Variants in PRPS1 observed in about 807,000 individuals in gnomAD.
PRPS1 encodes the protein phosphoribosyl pyrophosphate synthetase 1.
Under a neutral mutation model 16.9 loss-of-function variants are expected in PRPS1, and 1 was observed. The ratio of observed to expected loss-of-function variants is 0.06; its 90% CI spans 0.02 to 0.28. The LOEUF (loss-of-function observed/expected upper bound fraction) is 0.28. Ranked by LOEUF, PRPS1 falls within the 10% of genes least tolerant of loss-of-function variation. PRPS1 has a pLI of 1.00. For synonymous variants in PRPS1, 70 were observed against 90.2 expected, an observed-to-expected ratio of 0.78 and a Z score of 1.27; for missense variants, 47 against 254.0, an observed-to-expected ratio of 0.19 and a Z score of 5.54.
chrX:107,646,952 T>A (rs919810448), intron 5 of PRPS1, among the ~76,000 whole-genome samples: 1 of 112,341 alleles, frequency 8.9e-6, no homozygotes. Flanking sequence ...GAAGAGGAAG[T>A]GGATTTTGTT....
rs5962870 is a variant in PRPS1 at position 107,650,421 on chromosome X, G to A, written c.*389G>A. On this transcript the variant is annotated 3_prime_UTR_variant, in exon 7 of 7. Coordinates refer to ENST00000372435, the MANE Select transcript of PRPS1 (RefSeq NM_002764.4). ...ACAACTAGCAACAAAGGCAACCCAT[G>A]TGTGACCAGTTCTCCCCAAGGTCTA... 9,370 of 393,912 alleles carry A rather than the reference G, an allele frequency of 0.024. 631 individuals are homozygous for A. The highest frequency in any genetic ancestry group is 0.2 in the African/African-American group (8,007 of 39,133). 32.5% of individuals were successfully genotyped at this position (393,912 alleles called of 1,213,427 possible).
At chrX:107,638,254 C>T (rs1262977185) in intron 1 of PRPS1, among the ~76,000 whole-genome samples, 4 of 111,487 alleles carry the variant, frequency 3.6e-5, no homozygotes, top group Non-Finnish European at 5.7e-5. Flanking sequence ...GGACTACAGG[C>T]GTGTGCCACC....
intron 1 of PRPS1, among the ~76,000 whole-genome samples, chrX:107,629,553 T>G (rs1925263303): frequency 1.8e-5 from 2 of 112,342 alleles, no homozygotes; most frequent in African/African-American, 6.5e-5. Context: ...TGGACTTGGC[T>G]CCTTCTTTAA....
Position 107,650,073 on chromosome X carries a change from C to T in PRPS1, c.*41C>T. 1.7e-6 allele frequency: 2 copies of T among 1,210,805 alleles called. No homozygotes were observed. The highest frequency in any genetic ancestry group is 2.2e-6 in the Non-Finnish European group (2 of 895,086). ...GGCTTTTTGAGAATAAAATCCACCC[C>T]ACCCTTGTTTCCCCTTGGTATTTGA... On this transcript the variant is annotated 3_prime_UTR_variant, in exon 7 of 7. Coordinates refer to ENST00000372435, the MANE Select transcript of PRPS1 (RefSeq NM_002764.4).
chrX:107,647,522 C>T, intron 5 of PRPS1, 84 bp from the exon 6 acceptor site: 1 of 984,695 alleles, frequency 1.0e-6, no homozygotes. Context: ...TTGTGGAAGC[C>T]TAAGCAGGCT....
Position 107,640,572 on chromosome X carries a change from A to G in PRPS1, c.307-330A>G, listed in dbSNP as rs186181815. Among the ~76,000 whole-genome samples, 25 of 112,358 alleles carry G rather than the reference A, an allele frequency of 2.2e-4. No homozygotes were observed. In the Admixed American group the frequency reaches 2.4e-3, roughly 11 times the overall value. On this transcript the variant is annotated intron_variant, in intron 2 of 6. Coordinates refer to ENST00000372435, the MANE Select transcript of PRPS1 (RefSeq NM_002764.4). The stretch of plus-strand genomic sequence containing the variant: ...TGTATGTGTTGAAAGAGATTTTAAT[A>G]AAATTATTTTTTAAAGTCTGCCTAG...
At chrX:107,645,479 A>C (rs955384542) in intron 5 of PRPS1, 129 bp downstream of exon 5, 1 of 764,088 alleles carries the variant, frequency 1.3e-6, no homozygotes, top group Admixed American at 2.6e-5. Context: ...GATTTTTATC[A>C]CCCAAGGCTT....
intron 1 of PRPS1, among the ~76,000 whole-genome samples, chrX:107,634,342 G>C (rs1424957702): frequency 9.2e-6 from 1 of 109,000 alleles, no homozygotes; most frequent in East Asian, 2.9e-4. Context: ...AGCCTCCCGA[G>C]TAGCTGGGAC....
chrX:107,635,514 T>C (rs1925414783), intron 1 of PRPS1, among the ~76,000 whole-genome samples: 1 of 108,604 alleles, frequency 9.2e-6, no homozygotes, highest in Non-Finnish European at 1.9e-5. Flanking sequence ...TGATCATGGC[T>C]CCTAACTCCT....
At chrX:107,635,121 G>A (rs188101417) in intron 1 of PRPS1, among the ~76,000 whole-genome samples, 1,303 of 111,975 alleles carry the variant, frequency 0.012, 17 homozygotes, top group African/African-American at 0.04. Context: ...GATTACAGGC[G>A]TGAGCCACCG....
chrX:107,641,523 CT>C (rs1208072705), intron 3 of PRPS1, among the ~76,000 whole-genome samples: 1 of 110,959 alleles, frequency 9.0e-6, no homozygotes, highest in African/African-American at 3.3e-5. Context: ...GCCCAGCTAA[CT>C]TTTTTGTACT....
chrX:107,636,072 A>AC (rs1202778739), intron 1 of PRPS1, among the ~76,000 whole-genome samples: 1 of 108,340 alleles, frequency 9.2e-6, no homozygotes, highest in African/African-American at 3.4e-5. Flanking sequence ...AAAAAAAAAA[A>AC]AAAAACTGAA....
intron 1 of PRPS1, among the ~76,000 whole-genome samples, chrX:107,637,034 A>C (rs1413445747): frequency 8.9e-6 from 1 of 112,505 alleles, no homozygotes; most frequent in African/African-American, 3.2e-5. Context: ...ATATACACAC[A>C]TACACCTCTC....
intron 6 of PRPS1, 85 bp from the exon 7 acceptor site, chrX:107,649,855 G>A: frequency 8.3e-7 from 1 of 1,207,867 alleles, no homozygotes; most frequent in Non-Finnish European, 1.1e-6. Flanking sequence ...AAGGGCACTT[G>A]CCTGGCTGCT....
intron 1 of PRPS1, among the ~76,000 whole-genome samples, chrX:107,638,879 C>T (rs1302579159): frequency 3.6e-5 from 4 of 110,735 alleles, no homozygotes; most frequent in Admixed American, 1.9e-4. Flanking sequence ...ACTACAGGCG[C>T]CTGCCACCAT....
chrX:107,632,913 A>G (rs1466717360), intron 1 of PRPS1, among the ~76,000 whole-genome samples: 1 of 112,095 alleles, frequency 8.9e-6, no homozygotes, highest in African/African-American at 3.2e-5. Context: ...AAGTGAAATT[A>G]GAATTATACA....
chrX:107,630,199 A>C (rs1414050502), intron 1 of PRPS1: 1 of 112,756 alleles, frequency 8.9e-6, no homozygotes, highest in East Asian at 2.8e-4. Context: ...CATGGGCCTT[A>C]ATAAAGAATA....
intron 1 of PRPS1, among the ~76,000 whole-genome samples, chrX:107,635,140 GATA>G (rs1339337601): frequency 9.1e-6 from 1 of 110,231 alleles, no homozygotes; most frequent in Non-Finnish European, 1.9e-5. Flanking sequence ...CGTGCCCAGC[GATA>G]ATGATAAAGT....
At chrX:107,639,522 C>T (rs1602900804) in intron 2 of PRPS1, 44 bp downstream of exon 2, 7 of 1,163,586 alleles carry the variant, frequency 6.0e-6, no homozygotes, top group Non-Finnish European at 8.2e-6. Flanking sequence ...AGCAGGAGCA[C>T]TTGCCCCAAA....
Sources: allele counts gnomAD v4.1 joint callset (sites outside exome capture counted in the v4.1 genomes callset), GRCh38; gene constraint gnomAD v4.1.1; transcripts MANE v1.5; gene names NCBI Gene and HGNC (gene_info 2026-07-23, HGNC 2026-07-21).